The following CAB39 variants were observed in gnomAD, a reference collection of about 807,000 sequenced individuals.
CAB39 encodes calcium-binding protein 39.
CAB39 carries 8 observed loss-of-function variants against 40.0 expected under a neutral mutation model. The observed-to-expected ratio is 0.20, with a 90% CI of 0.12 to 0.36. CAB39 has a LOEUF of 0.36. Among genes scored for constraint, CAB39 ranks in the 10% least tolerant of loss-of-function variants. The pLI, the probability that CAB39 is intolerant of heterozygous loss-of-function variation, is 1.00. For missense variants in CAB39, 270 were observed against 401.1 expected, an observed-to-expected ratio of 0.67 and a Z score of 2.79; for synonymous variants, 156 against 141.6, an observed-to-expected ratio of 1.10 and a Z score of -0.72.
intron 1 of CAB39, among the ~76,000 whole-genome samples, chr2:230,739,445 T>C (rs1694839166): frequency 6.6e-6 from 1 of 152,246 alleles, no homozygotes; most frequent in South Asian, 2.1e-4. Flanking sequence ...AAATCAGTCA[T>C]GTATTACAGA....
chr2:230,813,781 G>A (rs1266007386), intron 6 of CAB39, among the ~76,000 whole-genome samples: 1 of 151,970 alleles, frequency 6.6e-6, no homozygotes, highest in Non-Finnish European at 1.5e-5. Context: ...TCTGTCTGCA[G>A]GCCTGGCTGG....
At chr2:230,739,949 T>G (rs11900671) in intron 1 of CAB39, among the ~76,000 whole-genome samples, 54,825 of 152,166 alleles carry the variant, frequency 0.36, 13,695 homozygotes, top group African/African-American at 0.71. Context: ...TTATCAGTGG[T>G]TTATAAAATC....
At chr2:230,734,333 T>A (rs966931387) in intron 1 of CAB39, among the ~76,000 whole-genome samples, 22 of 152,184 alleles carry the variant, frequency 1.4e-4, no homozygotes, top group Admixed American at 1.2e-3. Context: ...TCTGGCCACC[T>A]GCATTTCCTA....
Position 230,818,695 on chromosome 2 carries a change from A to G in CAB39, c.1017A>G (p.Gln339=). 1 of 1,613,256 alleles carries G rather than the reference A, an allele frequency of 6.2e-7. No homozygotes were observed. Among genetic ancestry groups the G allele is most frequent in the Non-Finnish European group, 8.5e-7 (1 of 1,179,492 alleles). Residue 339 remains glutamine, a synonymous_variant, in exon 9 of 9, where the codon CAA becomes CAG. Transcript: ENST00000258418. ...QIRDLKRPAQ[Q]EA is the part of the protein sequence containing the mutation. ...GGGATTTGAAGAGACCAGCTCAGCAAGAAGCTTAATCTCCAATAAACATCT... is the reference window on the plus strand; with the variant it reads ...GGGATTTGAAGAGACCAGCTCAGCAGGAAGCTTAATCTCCAATAAACATCT...
intron 1 of CAB39, among the ~76,000 whole-genome samples, chr2:230,734,806 G>A (rs1302209218): frequency 2.9e-5 from 2 of 69,788 alleles, no homozygotes; most frequent in Non-Finnish European, 5.1e-5. Context: ...ATTCCACCCC[G>A]ACGAAGGAGT....
chr2:230,760,077 C>A lies in CAB39; in HGVS notation c.76C>A (p.Leu26Met). ...GAATCTGAAGGAGAGCATGGCTGTT[C>A]TGGAAAAGCAAGACATTTCTGATAA... ...VKNLKESMAVLEKQDISDKKA... is the reference protein window; with the variant it reads ...VKNLKESMAVMEKQDISDKKA... The change falls in exon 2 of 9, where the codon CTG (leucine) becomes ATG (methionine). Residue 26 changes from leucine (L) to methionine (M), a missense_variant. By Grantham distance (15) the Leu-to-Met change is conservative. Coordinates refer to ENST00000258418, the MANE Select transcript of CAB39 (RefSeq NM_016289.4). 6.2e-7 allele frequency: 1 copy of A among 1,613,054 alleles called. No homozygotes were observed. The highest frequency in any genetic ancestry group is 8.5e-7 in the Non-Finnish European group (1 of 1,179,152).
intron 8 of CAB39, chr2:230,818,314 A>G: frequency 1.9e-6 from 1 of 538,242 alleles, no homozygotes; most frequent in Non-Finnish European, 3.3e-6. Flanking sequence ...TGAGTTTATC[A>G]GTCGTATTTG....
intron 2 of CAB39, among the ~76,000 whole-genome samples, chr2:230,789,133 T>A (rs1269544181): frequency 6.6e-6 from 1 of 152,232 alleles, no homozygotes; most frequent in Non-Finnish European, 1.5e-5. Context: ...TACTAACCTA[T>A]TCTTATCTAC....
intron 6 of CAB39, among the ~76,000 whole-genome samples, chr2:230,812,118 TAAAAC>T (rs1001092717): frequency 2.6e-5 from 4 of 152,134 alleles, no homozygotes; most frequent in Admixed American, 6.5e-5. Flanking sequence ...TAGAAAGAAA[TAAAAC>T]AATTAAAAGA....
At chr2:230,801,351 C>T (rs1279957379) in intron 5 of CAB39, among the ~76,000 whole-genome samples, 1 of 152,204 alleles carries the variant, frequency 6.6e-6, no homozygotes, top group East Asian at 1.9e-4. Flanking sequence ...ACACCAGAGG[C>T]GCTGACAAGG....
chr2:230,757,692 T>G (rs934386234), intron 1 of CAB39, among the ~76,000 whole-genome samples: 1 of 152,146 alleles, frequency 6.6e-6, no homozygotes, highest in African/African-American at 2.4e-5. Flanking sequence ...CCATTAAACA[T>G]TCCCACCCTC....
chr2:230,790,960 C>T lies in CAB39; in HGVS notation c.203C>T (p.Ala68Val). 3 of 1,612,694 alleles carry T rather than the reference C, an allele frequency of 1.9e-6. No homozygotes were observed. Among genetic ancestry groups the T allele is most frequent in the African/African-American group, 1.3e-5 (1 of 75,000 alleles). ...NEKEPQTEAV[A>V]QLAQELYNSG... is the part of the protein sequence containing the mutation. ...AAAGAGCCTCAGACAGAAGCAGTAG[C>T]TCAACTTGCTCAAGAACTCTATAAT... The change falls in exon 3 of 9, where the codon GCT becomes GTT. Residue 68 changes from alanine to valine, a missense_variant. Transcript: ENST00000258418.
intron 1 of CAB39, among the ~76,000 whole-genome samples, chr2:230,741,996 A>G (rs967946429): frequency 6.6e-6 from 1 of 152,204 alleles, no homozygotes; most frequent in African/African-American, 2.4e-5. Flanking sequence ...AGATGCTACT[A>G]GAATGGCTTA....
intron 1 of CAB39, among the ~76,000 whole-genome samples, chr2:230,753,537 G>A (rs1695126390): frequency 6.6e-6 from 1 of 152,026 alleles, no homozygotes; most frequent in Non-Finnish European, 1.5e-5. Context: ...GGTAGATCAC[G>A]AGGTCAGGAG....
chr2:230,762,982 A>G (rs1461964768), intron 2 of CAB39, among the ~76,000 whole-genome samples: 1 of 152,226 alleles, frequency 6.6e-6, no homozygotes, highest in Non-Finnish European at 1.5e-5. Flanking sequence ...CTCTTAAATT[A>G]TTGAGGACCC....
chr2:230,757,576 G>A (rs1695214477), intron 1 of CAB39, among the ~76,000 whole-genome samples: 1 of 152,106 alleles, frequency 6.6e-6, no homozygotes, highest in African/African-American at 2.4e-5. Flanking sequence ...TTGGTATGTG[G>A]TAGGACTTGT....
intron 1 of CAB39, among the ~76,000 whole-genome samples, chr2:230,721,223 G>C (rs969629323): frequency 6.6e-6 from 1 of 152,202 alleles, no homozygotes; most frequent in Non-Finnish European, 1.5e-5. Flanking sequence ...TTAAGGTCAG[G>C]AGTTCAAGAC....
At chr2:230,811,014 G>T (rs913976161) in intron 6 of CAB39, among the ~76,000 whole-genome samples, 1 of 152,142 alleles carries the variant, frequency 6.6e-6, no homozygotes, top group African/African-American at 2.4e-5. Flanking sequence ...TGCCAGTTCT[G>T]CCAGCCTCAG....
intron 3 of CAB39, among the ~76,000 whole-genome samples, chr2:230,791,484 G>C (rs1210894108): frequency 1.3e-5 from 2 of 152,180 alleles, no homozygotes; most frequent in Non-Finnish European, 2.9e-5. Flanking sequence ...TACAACCAGA[G>C]ACCATATGTG....
Sources: gnomAD v4.1 joint callset for allele counts (sites outside exome capture counted in the v4.1 genomes callset) on GRCh38, gnomAD v4.1.1 for gene constraint, MANE v1.5 for transcripts, NCBI Gene and HGNC (gene_info 2026-07-23, HGNC 2026-07-21) for gene names.